The following STARD10 variants were observed in gnomAD, a reference collection of about 807,000 sequenced individuals.
STARD10 encodes StAR related lipid transfer domain containing 10.
A neutral mutation model predicts 36.0 loss-of-function variants in STARD10; 24 were observed. The ratio of observed to expected loss-of-function variants is 0.67; its 90% CI spans 0.48 to 0.94. The LOEUF is 0.94. Ranked by LOEUF, STARD10 falls within the 40% of genes least tolerant of loss-of-function variation. STARD10 has a pLI of 0.00. For synonymous variants in STARD10, 156 were observed against 161.9 expected (o/e 0.96, Z 0.28); for missense variants, 335 against 396.6 (o/e 0.84, Z 1.32).
In STARD10 at chr11:72,754,835, A is replaced by C. The variant is rs1858617367; in HGVS notation, c.*62T>G. The C allele has an allele frequency of 2.6e-6, 4 of 1,552,364 alleles. No homozygotes were observed. In the Admixed American group the frequency reaches 5.4e-5, roughly 21 times the overall value. Reference sequence around the variant, plus strand: ...CCGGGTGGGGGAGGGGAGAAAGTGCAGGAGCGGCCGCCGCCCCAGGGCTCG... The same window carrying C: ...CCGGGTGGGGGAGGGGAGAAAGTGCCGGAGCGGCCGCCGCCCCAGGGCTCG... On this transcript the variant is annotated 3_prime_UTR_variant, in exon 7 of 7. Transcript: ENST00000334805.
intron 1 of STARD10, among the ~76,000 whole-genome samples, chr11:72,788,956 A>C (rs927552079): frequency 6.6e-6 from 1 of 152,142 alleles, no homozygotes; most frequent in Admixed American, 6.6e-5. Context: ...CTGGGACTCA[A>C]GTGGTCCTCT....
At chr11:72,791,441 A>G (rs189103851) in intron 1 of STARD10, among the ~76,000 whole-genome samples, 93 of 152,302 alleles carry the variant, frequency 6.1e-4, no homozygotes, top group South Asian at 5.8e-3. Context: ...GTGGTGACTC[A>G]TGCCCATAAT....
intron 5 of STARD10, 122 bp downstream of exon 5, chr11:72,757,645 G>T: frequency 2.3e-6 from 2 of 853,770 alleles, no homozygotes; most frequent in Non-Finnish European, 3.7e-6. Context: ...GCTTTGGATG[G>T]AAATGCCCCA....
At chr11:72,759,732 G>T (rs1372581963) in intron 2 of STARD10, among the ~76,000 whole-genome samples, 2 of 152,148 alleles carry the variant, frequency 1.3e-5, no homozygotes, top group African/African-American at 4.8e-5. Context: ...AGAGGCTCAT[G>T]GTTGCTTCAG....
chr11:72,765,939 C>T (rs1488992588), intron 2 of STARD10: 1 of 152,120 alleles, frequency 6.6e-6, no homozygotes, highest in Non-Finnish European at 1.5e-5. Context: ...TGAGATCATA[C>T]CACTGCACTC....
intron 2 of STARD10, among the ~76,000 whole-genome samples, chr11:72,770,936 G>A (rs1858846720): frequency 6.6e-6 from 1 of 152,224 alleles, no homozygotes; most frequent in African/African-American, 2.4e-5. Context: ...GTGGGAAATG[G>A]AGCTGTCCTT....
chr11:72,758,470 C>T (rs1488124850), intron 4 of STARD10, 60 bp downstream of exon 4: 16 of 1,403,322 alleles, frequency 1.1e-5, no homozygotes, highest in Non-Finnish European at 1.3e-5. Context: ...GTGGCAGCCT[C>T]AGCCTTGCGC....
intron 6 of STARD10, 164 bp from the exon 7 acceptor site, chr11:72,755,306 C>CTTTT (rs542293512): frequency 3.0e-3 from 1,070 of 355,712 alleles, no homozygotes; most frequent in South Asian, 5.5e-3. Context: ...ATTCTCCATT[C>CTTTT]TTTTTTTTTT....
chr11:72,778,283 T>C (rs1025185680), intron 2 of STARD10, among the ~76,000 whole-genome samples: 5 of 152,214 alleles, frequency 3.3e-5, no homozygotes, highest in Non-Finnish European at 7.3e-5. Context: ...CAAATAACAT[T>C]ACCTCACTCA....
chr11:72,777,331 G>A lies in STARD10; in HGVS notation c.207+3644C>T, dbSNP rs538418447. 3.3e-5 allele frequency among the ~76,000 whole-genome samples: 5 copies of A among 152,376 alleles called. No homozygotes were observed. The South Asian group carries it at 1.0e-3, about 32-fold the overall frequency. On this transcript the variant is annotated intron_variant, in intron 2 of 6. Coordinates refer to ENST00000334805, the MANE Select transcript of STARD10 (RefSeq NM_006645.3). ...TGGGTGCTGAGTTCAGAGGCTCTTG[G>A]AGCCAAGAGGGCCCAATGGCACAGA... is the stretch of plus-strand genomic sequence containing the variant.
intron 2 of STARD10, among the ~76,000 whole-genome samples, chr11:72,771,930 G>C (rs1468882713): frequency 6.6e-6 from 1 of 152,176 alleles, no homozygotes; most frequent in Non-Finnish European, 1.5e-5. Context: ...GCTGACTTCA[G>C]ACATCAAGAC....
At chr11:72,789,888 C>T (rs548425471) in intron 1 of STARD10, among the ~76,000 whole-genome samples, 2 of 152,278 alleles carry the variant, frequency 1.3e-5, no homozygotes, top group African/African-American at 4.8e-5. Context: ...ACAGGCTTCC[C>T]GGGGGAAGAC....
chr11:72,772,232 A>T (rs1337645892), intron 2 of STARD10, among the ~76,000 whole-genome samples: 1 of 138,048 alleles, frequency 7.2e-6, no homozygotes, highest in African/African-American at 2.7e-5. Context: ...CATAGTGGGC[A>T]TGGCTCCCCT....
chr11:72,791,703 CAA>C (rs1182032243), intron 1 of STARD10, among the ~76,000 whole-genome samples: 5 of 127,648 alleles, frequency 3.9e-5, no homozygotes, highest in Non-Finnish European at 3.4e-5. Context: ...AATTCCGTCT[CAA>C]AAAAAAAAAA....
chr11:72,776,884 G>A (rs367932104), intron 2 of STARD10, among the ~76,000 whole-genome samples: 2 of 152,126 alleles, frequency 1.3e-5, no homozygotes, highest in South Asian at 4.1e-4. Flanking sequence ...TGGGGTAGGT[G>A]GACAGTGAGA....
rs1859174147 is a variant in STARD10, at chr11:72,793,406, T to G, written c.-645A>C. 6.6e-6 allele frequency: 1 copy of G among 152,224 alleles called. No homozygotes were observed. Among genetic ancestry groups the G allele is most frequent in the South Asian group, 2.1e-4 (1 of 4,832 alleles). The allele number at this position is 152,224 out of a possible 1,614,324, so 9.4% of individuals were successfully genotyped here. ...AGCTCAGTTCCCTAAGGGAACAAAA[T>G]TACCCAAAGTCACACAGCAAGCTGG... is the stretch of plus-strand genomic sequence containing the variant. On this transcript the variant is annotated 5_prime_UTR_variant, in exon 1 of 7. Transcript: ENST00000334805.
At position 72,767,515 on chromosome 11, in the gene STARD10, C is replaced by T. The variant is rs572109757; in HGVS notation, c.208-8134G>A. ...CCTACAGTGTCAGGACTTTCTGCTA[C>T]CTTCACCAAGGGGCAGGACTGGCCC... is the stretch of plus-strand genomic sequence containing the variant. On this transcript the variant is annotated intron_variant, in intron 2 of 6. Coordinates refer to ENST00000334805, the MANE Select transcript of STARD10 (RefSeq NM_006645.3). 2.0e-5 allele frequency among the ~76,000 whole-genome samples: 3 copies of T among 152,308 alleles called. No individual in the cohort carries two copies. In the South Asian group the frequency reaches 6.2e-4, roughly 32 times the overall value.
intron 6 of STARD10, 149 bp downstream of exon 6, chr11:72,755,552 C>T: frequency 1.1e-6 from 1 of 879,992 alleles, no homozygotes. Context: ...CTCAGGTAAT[C>T]CACCTGCCAA....
chr11:72,766,623 C>T (rs12284245), intron 2 of STARD10, among the ~76,000 whole-genome samples: 17,066 of 152,114 alleles, frequency 0.11, 1,196 homozygotes, highest in African/African-American at 0.18. Flanking sequence ...ACCTCTCTCC[C>T]GCCCCCTGAC....
Sources: allele counts gnomAD v4.1 joint callset (sites outside exome capture counted in the v4.1 genomes callset), GRCh38; gene constraint gnomAD v4.1.1; transcripts MANE v1.5; gene names NCBI Gene and HGNC (gene_info 2026-07-23, HGNC 2026-07-21).